The following COL4A1 variants were observed in gnomAD, a reference collection of about 807,000 sequenced individuals.
The protein encoded by COL4A1 is collagen type IV alpha 1 chain, also known as collagen alpha-1(IV) chain.
Under a neutral mutation model 216.6 loss-of-function variants are expected in COL4A1, and 40 were observed. That is an observed-to-expected ratio of 0.18 (90% CI 0.14 to 0.24). COL4A1 has a LOEUF of 0.24. Ranked by LOEUF, COL4A1 falls within the 10% of genes least tolerant of loss-of-function variation. COL4A1 has a pLI of 1.00. For synonymous variants in COL4A1, 839 were observed against 810.7 expected (o/e 1.03, Z -0.59); for missense variants, 1,628 against 2,196.8 (o/e 0.74, Z 5.18).
At chr13:110,164,711 T>C in intron 46 of COL4A1, 151 bp downstream of exon 46, 1 of 1,189,974 alleles carries the variant, frequency 8.4e-7, no homozygotes, top group Non-Finnish European at 1.1e-6. Context: ...TAGGTTTTGA[T>C]ATGCATTGAA....
chr13:110,250,378 C>G (rs1371356585), intron 1 of COL4A1, among the ~76,000 whole-genome samples: 1 of 152,152 alleles, frequency 6.6e-6, no homozygotes, highest in Admixed American at 6.5e-5. Flanking sequence ...AACCACACGC[C>G]TTGAGGAAAT....
intron 1 of COL4A1, among the ~76,000 whole-genome samples, chr13:110,294,027 T>A (rs1292218994): frequency 6.6e-6 from 1 of 152,168 alleles, no homozygotes; most frequent in African/African-American, 2.4e-5. Context: ...TAATTTTGAC[T>A]CTCAGAAAAG....
chr13:110,228,753 C>CAG (rs1236944927), intron 2 of COL4A1, among the ~76,000 whole-genome samples: 1 of 152,092 alleles, frequency 6.6e-6, no homozygotes, highest in Non-Finnish European at 1.5e-5. Flanking sequence ...TAGAGGAGGA[C>CAG]AGAAATCAGA....
intron 42 of COL4A1, 62 bp from the exon 43 acceptor site, chr13:110,169,824 TG>T: frequency 1.3e-6 from 2 of 1,580,630 alleles, no homozygotes; most frequent in Non-Finnish European, 8.6e-7. Flanking sequence ...CCCTGGGCTG[TG>T]GGGCTATCAA....
chr13:110,200,558 A>AG (rs1240958874), intron 20 of COL4A1, among the ~76,000 whole-genome samples: 1 of 152,028 alleles, frequency 6.6e-6, no homozygotes, highest in Non-Finnish European at 1.5e-5. Context: ...GTGGGAAAAG[A>AG]GGGGGGCAGG....
chr13:110,180,080 G>A (rs957729557), intron 29 of COL4A1, among the ~76,000 whole-genome samples: 8 of 152,162 alleles, frequency 5.3e-5, no homozygotes, highest in Non-Finnish European at 1.0e-4. Flanking sequence ...TTCCAGAGAG[G>A]GAGGATTTGG....
chr13:110,155,429 C>CGG, intron 49 of COL4A1, 32 bp from the exon 50 acceptor site: 1 of 1,555,040 alleles, frequency 6.4e-7, no homozygotes, highest in Non-Finnish European at 8.9e-7. Flanking sequence ...TCAGCACAGC[C>CGG]GGGGTGCAGG....
At chr13:110,230,943 G>A (rs1881027985) in intron 2 of COL4A1, among the ~76,000 whole-genome samples, 1 of 152,178 alleles carries the variant, frequency 6.6e-6, no homozygotes, top group African/African-American at 2.4e-5. Flanking sequence ...TCAGGGCAGG[G>A]CACCCAGCCC....
intron 1 of COL4A1, among the ~76,000 whole-genome samples, chr13:110,270,233 C>G (rs1298119620): frequency 6.6e-6 from 1 of 152,192 alleles, no homozygotes; most frequent in Non-Finnish European, 1.5e-5. Context: ...CTACCATACC[C>G]AGTAGGGGCA....
intron 6 of COL4A1, 114 bp from the exon 7 acceptor site, chr13:110,212,036 T>TA: frequency 8.7e-7 from 1 of 1,149,448 alleles, no homozygotes; most frequent in Non-Finnish European, 1.3e-6. Context: ...AATCATTTCC[T>TA]AAAAACAGTT....
At chr13:110,214,185 G>A (rs1434491871) in intron 2 of COL4A1, among the ~76,000 whole-genome samples, 170 bp from the exon 3 acceptor site, 1 of 152,138 alleles carries the variant, frequency 6.6e-6, no homozygotes, top group Non-Finnish European at 1.5e-5. Flanking sequence ...TCCACTGCCT[G>A]AGTCAAGGGA....
In COL4A1 at chr13:110,181,696, G is replaced by A. The variant is rs576776572; in HGVS notation, c.2096-307C>T. 3.3e-5 allele frequency among the ~76,000 whole-genome samples: 5 copies of A among 152,014 alleles called. No homozygotes were observed. In the East Asian group the frequency reaches 7.8e-4, roughly 24 times the overall value. On this transcript the variant is annotated intron_variant, in intron 28 of 51. Coordinates refer to ENST00000375820, the MANE Select transcript of COL4A1 (RefSeq NM_001845.6). ...AAACAAAACAAATATACCCCTTGGC[G>A]CCTGCAGGTGAGAAGGGCACTTTAT...
At chr13:110,196,127 T>C (rs1402821123) in intron 21 of COL4A1, among the ~76,000 whole-genome samples, 1 of 152,256 alleles carries the variant, frequency 6.6e-6, no homozygotes, top group Non-Finnish European at 1.5e-5. Context: ...CAGAACAAGT[T>C]AGCTTCCGCT....
At chr13:110,193,137 C>T (rs1452366784) in intron 22 of COL4A1, among the ~76,000 whole-genome samples, 4 of 152,228 alleles carry the variant, frequency 2.6e-5, no homozygotes, top group Admixed American at 1.3e-4. Context: ...GCCCCCAGCA[C>T]GCGTCACGTG....
At chr13:110,209,950 T>C (rs1235258443) in intron 10 of COL4A1, 30 bp downstream of exon 10, 1 of 1,611,378 alleles carries the variant, frequency 6.2e-7, no homozygotes, top group Admixed American at 1.7e-5. Context: ...TTTAAATGAT[T>C]GCCTCGGAGA....
intron 2 of COL4A1, among the ~76,000 whole-genome samples, chr13:110,216,313 C>T (rs1366441153): frequency 6.6e-6 from 1 of 152,212 alleles, no homozygotes; most frequent in Non-Finnish European, 1.5e-5. Flanking sequence ...GAAAATCCTG[C>T]TGTAAGGAGT....
At chr13:110,252,212 C>T (rs1882102900) in intron 1 of COL4A1, among the ~76,000 whole-genome samples, 1 of 151,626 alleles carries the variant, frequency 6.6e-6, no homozygotes. Context: ...TTAGTAGAGA[C>T]GTGGTTTCAC....
intron 1 of COL4A1, among the ~76,000 whole-genome samples, chr13:110,272,909 T>C (rs1883297294): frequency 1.3e-5 from 2 of 152,226 alleles, no homozygotes; most frequent in South Asian, 4.1e-4. Flanking sequence ...TAAGGGATGC[T>C]GGACCCCAGG....
chr13:110,274,466 G>A (rs967478463), intron 1 of COL4A1, among the ~76,000 whole-genome samples: 1 of 152,224 alleles, frequency 6.6e-6, no homozygotes, highest in Middle Eastern at 3.4e-3. Flanking sequence ...GGATCTGGCC[G>A]CATTCCTTGC....
Sources: allele counts gnomAD v4.1 joint callset (sites outside exome capture counted in the v4.1 genomes callset), GRCh38; gene constraint gnomAD v4.1.1; transcripts MANE v1.5; gene names NCBI Gene and HGNC (gene_info 2026-07-23, HGNC 2026-07-21).